ZNF254: variants seen among roughly 807,000 people sequenced by gnomAD.
ZNF254 encodes the protein CTD-2017D11.1.
Under a neutral mutation model 12.4 loss-of-function variants are expected in ZNF254, and 10 were observed. That is an observed-to-expected ratio of 0.80 (90% CI 0.50 to 1.36). The LOEUF (loss-of-function observed/expected upper bound fraction) is 1.36, where lower values mean the gene tolerates loss of function less well. Among genes scored for constraint, ZNF254 ranks in the 40% most tolerant of loss-of-function variants. ZNF254 has a pLI of 0.00. For synonymous variants in ZNF254, 305 were observed against 253.4 expected (o/e 1.20, Z -1.93); for missense variants, 996 against 763.9 (o/e 1.30, Z -3.58).
chr19:24,048,507 AC>A (rs1247137206), intron 2 of ZNF254, among the ~76,000 whole-genome samples: 3 of 152,190 alleles, frequency 2.0e-5, no homozygotes, highest in Non-Finnish European at 4.4e-5. Flanking sequence ...GCTTAGGTCC[AC>A]CAGAAAAGCT....
intron 2 of ZNF254, among the ~76,000 whole-genome samples, chr19:24,074,288 A>T (rs2145520029): frequency 6.6e-6 from 1 of 152,228 alleles, no homozygotes; most frequent in East Asian, 1.9e-4. Context: ...CCCAGCATCG[A>T]GCTGAAGTGA....
intron 3 of ZNF254, among the ~76,000 whole-genome samples, chr19:24,111,503 T>C (rs1265332871): frequency 3.3e-5 from 5 of 152,214 alleles, no homozygotes; most frequent in Admixed American, 3.3e-4. Flanking sequence ...GTATTTCTAG[T>C]TCTAGATCCC....
chr19:24,127,554 C>T lies in ZNF254; in HGVS notation c.1554C>T (p.Tyr518=), dbSNP rs776784274. ...HKIIHTGEKP[Y]KCEECGKAFN... ...TAATTCATACTGGAGAGAAACCCTA[C>T]AAATGTGAAGAATGTGGCAAAGCCT... The change falls in exon 4 of 4, where the codon TAC becomes TAT. Residue 518 remains tyrosine, a synonymous_variant. Transcript: ENST00000357002. 1.1e-5 allele frequency: 17 copies of T among 1,613,360 alleles called. No homozygotes were observed. In the Middle Eastern group the frequency reaches 6.6e-4, roughly 62 times the overall value.
intron 1 of ZNF254, among the ~76,000 whole-genome samples, chr19:24,035,203 G>T (rs1486667660): frequency 2.0e-5 from 3 of 152,040 alleles, no homozygotes; most frequent in Non-Finnish European, 2.9e-5. Flanking sequence ...TCGCTCTGTT[G>T]CCTAGGCAGG....
intron 2 of ZNF254, among the ~76,000 whole-genome samples, chr19:24,047,596 C>CTTTTTTTTTTTTTTTTTTTTTTTTTTTT (rs386388790): frequency 9.3e-6 from 1 of 107,964 alleles, no homozygotes; most frequent in Non-Finnish European, 1.8e-5. Context: ...TTCATTCTTC[C>CTTTTTTTTTTTTTTTTTTTTTTTTTTTT]TTTTTTTTTT....
intron 1 of ZNF254, among the ~76,000 whole-genome samples, chr19:24,041,337 G>T (rs925708164): frequency 1.2e-4 from 19 of 152,230 alleles, no homozygotes; most frequent in Admixed American, 5.2e-4. Flanking sequence ...CGGGAACCGG[G>T]GCTGCGTGCG....
intron 2 of ZNF254, among the ~76,000 whole-genome samples, chr19:24,053,661 C>T (rs771825990): frequency 2.6e-5 from 4 of 152,166 alleles, no homozygotes; most frequent in Non-Finnish European, 5.9e-5. Context: ...CTCTCCTGTG[C>T]TGCCTGGTTC....
intron 2 of ZNF254, among the ~76,000 whole-genome samples, chr19:24,073,343 C>T (rs941897405): frequency 1.3e-5 from 2 of 152,208 alleles, no homozygotes; most frequent in Admixed American, 6.5e-5. Flanking sequence ...TGAAGAGTCT[C>T]TTCTTGGGAC....
intron 2 of ZNF254, among the ~76,000 whole-genome samples, chr19:24,069,044 T>C (rs1346490870): frequency 6.6e-6 from 1 of 152,000 alleles, no homozygotes; most frequent in East Asian, 2.0e-4. Flanking sequence ...TCTCACTTTG[T>C]CACCCAGGCT....
chr19:24,091,330 A>C (rs958357970), intron 1 of ZNF254, among the ~76,000 whole-genome samples: 1 of 149,192 alleles, frequency 6.7e-6, no homozygotes, highest in South Asian at 2.1e-4. Flanking sequence ...AAAAAAAAAA[A>C]TCTCTCTTCA....
At chr19:24,107,180 T>A in intron 3 of ZNF254, 1 of 624,982 alleles carries the variant, frequency 1.6e-6, no homozygotes, top group Non-Finnish European at 2.8e-6. Context: ...TTGCTTTGAC[T>A]ATTCAAAGTT....
chr19:24,067,481 C>A (rs1971319451), intron 2 of ZNF254, among the ~76,000 whole-genome samples: 1 of 151,860 alleles, frequency 6.6e-6, no homozygotes, highest in Non-Finnish European at 1.5e-5. Context: ...ACTCTCCTCT[C>A]ATGCCAAGGC....
Position 24,129,067 on chromosome 19 carries a change from TAAG to T in ZNF254, c.*1088_*1090del, listed in dbSNP as rs1470371772. The T allele has an allele frequency of 6.6e-6, 1 of 151,960 alleles. No individual in the cohort carries two copies. Among genetic ancestry groups the T allele is most frequent in the Non-Finnish European group, 1.5e-5 (1 of 67,876 alleles). The allele number at this position is 151,960 out of a possible 1,614,324, so 9.4% of individuals were successfully genotyped here. ...ATTTATGACCTTTTCTATGAAAAGA[TAAG>T]GACATTAAAATGTAAGATGCGTGAG... is the stretch of plus-strand genomic sequence containing the variant. On this transcript the variant is annotated 3_prime_UTR_variant, in exon 4 of 4. Coordinates refer to ENST00000357002, the MANE Select transcript of ZNF254 (RefSeq NM_203282.4).
At chr19:24,108,514 TCTGGG>T (rs1973471518) in intron 3 of ZNF254, among the ~76,000 whole-genome samples, 1 of 152,190 alleles carries the variant, frequency 6.6e-6, no homozygotes, top group African/African-American at 2.4e-5. Flanking sequence ...TTATTTTTGA[TCTGGG>T]GTATTGTAAC....
In ZNF254 at chr19:24,089,549, A is replaced by G. The variant is rs1972241426; in HGVS notation, c.30+2212A>G. Among the ~76,000 whole-genome samples the G allele has an allele frequency of 2.6e-5, 4 of 152,090 alleles. No homozygotes were observed. The South Asian group carries it at 8.3e-4, about 31-fold the overall frequency. ...TGGGTTTCAGTACTGTATTGGGATA[A>G]ACGAAGATACCCACCATGGCTATGT... On this transcript the variant is annotated intron_variant, in intron 1 of 3. Transcript: ENST00000357002.
chr19:24,045,471 C>T (rs56373210), intron 1 of ZNF254, among the ~76,000 whole-genome samples: 24,037 of 151,754 alleles, frequency 0.16, 2,073 homozygotes, highest in Middle Eastern at 0.23. Flanking sequence ...AGATCGAGAT[C>T]ATCCTGGCTA....
intron 2 of ZNF254, among the ~76,000 whole-genome samples, chr19:24,062,103 G>GAA (rs59581798): frequency 0.31 from 42,008 of 137,180 alleles, 7,219 homozygotes; most frequent in African/African-American, 0.47. Flanking sequence ...AAAAAAAAAA[G>GAA]AAAAAGAAAA....
chr19:24,118,104 G>A (rs1421698354), intron 3 of ZNF254, among the ~76,000 whole-genome samples: 1 of 149,672 alleles, frequency 6.7e-6, no homozygotes, highest in African/African-American at 2.5e-5. Context: ...CCAGGCTGGA[G>A]CTCAGTGGCA....
chr19:24,111,208 T>G (rs1448578735), intron 3 of ZNF254, among the ~76,000 whole-genome samples: 3 of 151,114 alleles, frequency 2.0e-5, no homozygotes, highest in Non-Finnish European at 4.4e-5. Flanking sequence ...CAGTGTTTGG[T>G]TTTTTGTTCT....
Sources: allele counts gnomAD v4.1 joint callset (sites outside exome capture counted in the v4.1 genomes callset), GRCh38; gene constraint gnomAD v4.1.1; transcripts MANE v1.5; gene names NCBI Gene and HGNC (gene_info 2026-07-23, HGNC 2026-07-21).